The following DOCK2 variants were observed in gnomAD, a reference collection of about 807,000 sequenced individuals.
DOCK2 encodes the protein dedicator of cytokinesis protein 2.
Under a neutral mutation model 248.9 loss-of-function variants are expected in DOCK2, and 87 were observed. The ratio of observed to expected loss-of-function variants is 0.35; its 90% confidence interval spans 0.29 to 0.42. The LOEUF is 0.42. DOCK2 is among the 10% of genes least tolerant of loss of function. The pLI, the probability that DOCK2 is intolerant of heterozygous loss-of-function variation, is 1.00. For missense variants in DOCK2, 1,747 were observed against 2,300.2 expected, an observed-to-expected ratio of 0.76 and a Z score of 4.92; for synonymous variants, 805 against 821.6, an observed-to-expected ratio of 0.98 and a Z score of 0.35.
chr5:169,989,381 C>T (rs916321695), intron 29 of DOCK2, among the ~76,000 whole-genome samples: 2 of 152,182 alleles, frequency 1.3e-5, no homozygotes, highest in African/African-American at 4.8e-5. Context: ...CCATCTGCAC[C>T]TCACTCTAGA....
At chr5:170,002,256 A>G (rs1423261411) in intron 30 of DOCK2, among the ~76,000 whole-genome samples, 1 of 152,116 alleles carries the variant, frequency 6.6e-6, no homozygotes, top group Non-Finnish European at 1.5e-5. Flanking sequence ...AAAAAATTGG[A>G]ATCAAGCTAA....
At chr5:169,709,749 T>C (rs931466688) in intron 15 of DOCK2, among the ~76,000 whole-genome samples, 3 of 152,080 alleles carry the variant, frequency 2.0e-5, no homozygotes, top group Non-Finnish European at 2.9e-5. Flanking sequence ...ACGTTAAATG[T>C]ATTAAAATAA....
intron 34 of DOCK2, 30 bp downstream of exon 34, chr5:170,027,978 GC>G (rs745729722): frequency 1.3e-6 from 2 of 1,591,590 alleles, no homozygotes; most frequent in South Asian, 2.3e-5. Flanking sequence ...TGTAGGAACA[GC>G]CTGTGAAGGT....
chr5:169,946,981 G>T (rs1266739424), intron 27 of DOCK2, among the ~76,000 whole-genome samples: 1 of 152,112 alleles, frequency 6.6e-6, no homozygotes, highest in Admixed American at 6.5e-5. Context: ...TGGAATGAAG[G>T]CCAGGGGGTT....
intron 29 of DOCK2, among the ~76,000 whole-genome samples, chr5:169,991,322 A>G (rs1034135178): frequency 6.6e-6 from 1 of 152,224 alleles, no homozygotes; most frequent in Non-Finnish European, 1.5e-5. Context: ...GAGGCCTCAC[A>G]TGGAACAGTT....
At chr5:169,828,114 C>G (rs1038775598) in intron 26 of DOCK2, among the ~76,000 whole-genome samples, 2 of 152,154 alleles carry the variant, frequency 1.3e-5, no homozygotes, top group African/African-American at 4.8e-5. Flanking sequence ...TCTGAACTGA[C>G]AAAGGCAATC....
intron 2 of DOCK2, 46 bp from the exon 3 acceptor site, chr5:169,669,242 A>C: frequency 6.2e-7 from 1 of 1,610,636 alleles, no homozygotes; most frequent in Non-Finnish European, 8.5e-7. Flanking sequence ...ACTAGCAACA[A>C]ACTTGTAATA....
chr5:170,021,379 A>G (rs1755721639), intron 33 of DOCK2, among the ~76,000 whole-genome samples: 1 of 152,186 alleles, frequency 6.6e-6, no homozygotes, highest in African/African-American at 2.4e-5. Flanking sequence ...CGGGTGCCTT[A>G]GAAGAGTTCC....
Position 169,712,182 on chromosome 5 carries a change from A to T in DOCK2, c.1618A>T (p.Thr540Ser), listed in dbSNP as rs1581078515. The T allele has an allele frequency of 6.2e-7, 1 of 1,614,136 alleles. No individual in the cohort carries two copies. Among genetic ancestry groups the T allele is most frequent in the African/African-American group, 1.3e-5 (1 of 75,058 alleles). ...TGTGAAGCTGATGAAAGAAGATGGG[A>T]CTACTCTACACGATGGATTCCATGA... is the stretch of plus-strand genomic sequence containing the variant. ...SYVKLMKEDG[T>S]TLHDGFHDLV... Residue 540 changes from threonine (T) to serine (S), a missense_variant, in exon 17 of 52, where the codon ACT becomes TCT. Physicochemically the swap from Thr to Ser is moderately conservative, Grantham distance 58. Coordinates refer to ENST00000520908, the MANE Select transcript of DOCK2 (RefSeq NM_004946.3).
intron 27 of DOCK2, chr5:169,881,289 A>G: frequency 8.3e-7 from 1 of 1,210,400 alleles, no homozygotes; most frequent in Admixed American, 2.2e-5. Flanking sequence ...GACTTTTTGC[A>G]TTTAAAAGTT....
chr5:169,676,569 A>C (rs1229279127), intron 6 of DOCK2, among the ~76,000 whole-genome samples: 1 of 152,136 alleles, frequency 6.6e-6, no homozygotes, highest in African/African-American at 2.4e-5. Context: ...AGAGTTGGGC[A>C]ACTTATCACT....
chr5:169,866,379 A>T lies in DOCK2; in HGVS notation c.2799+25527A>T, dbSNP rs116900337. On this transcript the variant is annotated intron_variant, in intron 27 of 51. Coordinates refer to ENST00000520908, the MANE Select transcript of DOCK2 (RefSeq NM_004946.3). Reference sequence around the variant, plus strand: ...CAGTTTCACTGTGAGATCTTGGGGAAGTCATTTCCCACTTCCAGGCTATGG... The same window carrying T: ...CAGTTTCACTGTGAGATCTTGGGGATGTCATTTCCCACTTCCAGGCTATGG... Among the ~76,000 whole-genome samples, 88 of 152,332 alleles carry T rather than the reference A, an allele frequency of 5.8e-4. No homozygotes were observed. In the East Asian group the frequency reaches 0.013, roughly 22 times the overall value.
intron 34 of DOCK2, among the ~76,000 whole-genome samples, chr5:170,030,688 T>C (rs961811699): frequency 1.3e-5 from 2 of 152,218 alleles, no homozygotes; most frequent in African/African-American, 4.8e-5. Context: ...CATTTTCACA[T>C]AGAGGACAGT....
chr5:169,853,804 C>CTTTTTTTTTTTTTTTTTT lies in DOCK2; in HGVS notation c.2799+12980_2799+12997dup, dbSNP rs67124138. 7.0e-5 allele frequency among the ~76,000 whole-genome samples: 4 copies of CTTTTTTTTTTTTTTTTTT among 56,858 alleles called. 1 individual carries two copies. The highest frequency in any genetic ancestry group is 3.2e-4 in the African/African-American group (4 of 12,450). The allele number at this position is 56,858 out of a possible 152,430, so 37.3% of individuals were successfully genotyped here. A position where few individuals can be genotyped will look rare whatever the true frequency, so the allele number is the denominator to read the frequency against. ...TTCCTTCTATAATCAGGAAAAACAACTTTTTTTTTTTTTTTTTTTTTTTTT... is the reference window on the plus strand; with the variant it reads ...TTCCTTCTATAATCAGGAAAAACAACTTTTTTTTTTTTTTTTTTTTTTTTTTTTTTTTTTTTTTTTTTT... On this transcript the variant is annotated intron_variant, in intron 27 of 51. Coordinates refer to ENST00000520908, the MANE Select transcript of DOCK2 (RefSeq NM_004946.3).
At chr5:169,888,947 G>A (rs76109893) in intron 27 of DOCK2, among the ~76,000 whole-genome samples, 10,159 of 152,132 alleles carry the variant, frequency 0.067, 376 homozygotes, top group Non-Finnish European at 0.086. Context: ...TCTCCCTGCC[G>A]TCTCTGTACT....
At chr5:169,697,078 C>T (rs1461818366) in intron 10 of DOCK2, among the ~76,000 whole-genome samples, 1 of 152,080 alleles carries the variant, frequency 6.6e-6, no homozygotes. Flanking sequence ...TCAGCTGTAG[C>T]CTGCCCTCTC....
At chr5:169,873,793 A>G (rs1327020342) in intron 27 of DOCK2, among the ~76,000 whole-genome samples, 1 of 152,214 alleles carries the variant, frequency 6.6e-6, no homozygotes, top group African/African-American at 2.4e-5. Context: ...TTAACCAAGA[A>G]GGAAACTCCC....
At chr5:169,820,918 C>G (rs2113234345) in intron 26 of DOCK2, among the ~76,000 whole-genome samples, 1 of 152,256 alleles carries the variant, frequency 6.6e-6, no homozygotes. Flanking sequence ...GCAGAGAAGT[C>G]CTTAAAGGAC....
Position 169,742,879 on chromosome 5 carries a change from G to A in DOCK2, c.2268-4517G>A, listed in dbSNP as rs769587735. Among the ~76,000 whole-genome samples, 46 of 152,316 alleles carry A rather than the reference G, an allele frequency of 3.0e-4. 1 individual carries two copies. The Middle Eastern group carries it at 0.017, about 56-fold the overall frequency. On this transcript the variant is annotated intron_variant, in intron 22 of 51. Transcript: ENST00000520908. ...GGGAGCCGGAGTGCTGGCTGTGGTC[G>A]ACTTGCATGCCCCAGAACAGTGCCT...
Sources: gnomAD v4.1 joint callset for allele counts (sites outside exome capture counted in the v4.1 genomes callset) on GRCh38, gnomAD v4.1.1 for gene constraint, MANE v1.5 for transcripts, NCBI Gene and HGNC (gene_info 2026-07-23, HGNC 2026-07-21) for gene names.